Variants in ARHGAP10 observed in about 807,000 individuals in gnomAD.
The protein encoded by ARHGAP10 is rho GTPase-activating protein 10.
A neutral mutation model predicts 108.6 loss-of-function variants in ARHGAP10; 87 were observed. The observed-to-expected ratio is 0.80, with a 90% CI of 0.67 to 0.96. The LOEUF (loss-of-function observed/expected upper bound fraction) is 0.96, where lower values mean the gene tolerates loss of function less well. ARHGAP10 is among the 40% of genes least tolerant of loss of function. The pLI, the probability that ARHGAP10 is intolerant of heterozygous loss-of-function variation, is 0.00. For missense variants in ARHGAP10, 939 were observed against 954.5 expected (o/e 0.98, Z 0.21); for synonymous variants, 347 against 341.1 (o/e 1.02, Z -0.19).
chr4:147,807,004 T>C (rs1731815673), intron 1 of ARHGAP10, among the ~76,000 whole-genome samples: 3 of 152,232 alleles, frequency 2.0e-5, no homozygotes, highest in Admixed American at 6.5e-5. Context: ...CTACGCCTAA[T>C]TCATATGTCA....
rs144995912 is a variant in ARHGAP10, at chr4:147,741,148, G to A, written c.154+8693G>A. On this transcript the variant is annotated intron_variant, in intron 1 of 22. Coordinates refer to ENST00000336498, the MANE Select transcript of ARHGAP10 (RefSeq NM_024605.4). Reference sequence around the variant, plus strand: ...ACTTTGTTAATTGATGTTCTATGATGATGTACCTTCTACCTATGCATTTTT... The same window carrying A: ...ACTTTGTTAATTGATGTTCTATGATAATGTACCTTCTACCTATGCATTTTT... 1.7e-3 allele frequency among the ~76,000 whole-genome samples: 266 copies of A among 152,186 alleles called. 6 individuals carry two copies. In the East Asian group the frequency reaches 0.046, roughly 26 times the overall value.
chr4:147,891,798 G>T (rs976405302), intron 10 of ARHGAP10, among the ~76,000 whole-genome samples: 3 of 152,162 alleles, frequency 2.0e-5, no homozygotes, highest in African/African-American at 7.2e-5. Context: ...ATTGTATTTT[G>T]TATGGATGTT....
chr4:147,917,404 C>T (rs969536055), intron 13 of ARHGAP10: 1 of 152,240 alleles, frequency 6.6e-6, no homozygotes, highest in Non-Finnish European at 1.5e-5. Context: ...GTCTCCTCCA[C>T]TAGGGTCGCC....
intron 7 of ARHGAP10, among the ~76,000 whole-genome samples, chr4:147,871,160 G>A (rs868303367): frequency 7.9e-5 from 12 of 152,130 alleles, no homozygotes; most frequent in Admixed American, 3.9e-4. Flanking sequence ...GGGTTTCACC[G>A]TGTTAGCCAG....
In ARHGAP10 at chr4:147,955,381, A is replaced by C; in HGVS notation, c.1450+7A>C. 1 of 1,609,072 alleles carries C rather than the reference A, an allele frequency of 6.2e-7. No individual in the cohort carries two copies. The highest frequency in any genetic ancestry group is 8.5e-7 in the Non-Finnish European group (1 of 1,176,078). On this transcript the variant is annotated splice_region_variant and intron_variant, in intron 16 of 22. Transcript: ENST00000336498. ...GATTTCATTGTTCCAGCCAGTAAGT[A>C]TTATGTAAAGGTATATAGGAACAGT...
intron 18 of ARHGAP10, among the ~76,000 whole-genome samples, chr4:147,999,778 A>G (rs1387623305): frequency 6.6e-6 from 1 of 152,170 alleles, no homozygotes; most frequent in Non-Finnish European, 1.5e-5. Flanking sequence ...GCGGCTGGTC[A>G]CCATCTTGGG....
intron 14 of ARHGAP10, among the ~76,000 whole-genome samples, 189 bp downstream of exon 14, chr4:147,940,088 C>G (rs1738116338): frequency 6.6e-6 from 1 of 152,220 alleles, no homozygotes; most frequent in Non-Finnish European, 1.5e-5. Context: ...CATAGATTGT[C>G]TATTACCTCT....
At chr4:147,936,972 C>A (rs1224939865) in intron 13 of ARHGAP10, among the ~76,000 whole-genome samples, 3 of 152,118 alleles carry the variant, frequency 2.0e-5, no homozygotes, top group Admixed American at 2.0e-4. Context: ...GGAGTGCAAA[C>A]CCTATTGTGA....
At chr4:147,740,176 G>A (rs1560732983) in intron 1 of ARHGAP10, among the ~76,000 whole-genome samples, 1 of 151,142 alleles carries the variant, frequency 6.6e-6, no homozygotes, top group South Asian at 2.1e-4. Flanking sequence ...AGCCTCAGCT[G>A]CACACCCTGT....
At chr4:147,900,110 C>A (rs901983136) in intron 10 of ARHGAP10, among the ~76,000 whole-genome samples, 2 of 152,116 alleles carry the variant, frequency 1.3e-5, no homozygotes, top group Admixed American at 6.5e-5. Flanking sequence ...TAAAGCCTGT[C>A]TTCTACATGG....
intron 13 of ARHGAP10, among the ~76,000 whole-genome samples, chr4:147,937,383 C>CT (rs926615064): frequency 5.3e-5 from 8 of 151,398 alleles, no homozygotes; most frequent in South Asian, 4.2e-4. Context: ...AATTTAATTA[C>CT]TTTTTTTTTC....
chr4:147,903,913 T>C (rs895110083), intron 10 of ARHGAP10, among the ~76,000 whole-genome samples: 3 of 152,228 alleles, frequency 2.0e-5, no homozygotes, highest in South Asian at 2.1e-4. Flanking sequence ...AATTTGGTAG[T>C]TGTGAATAAA....
intron 19 of ARHGAP10, among the ~76,000 whole-genome samples, chr4:148,042,954 C>T (rs967089720): frequency 6.6e-6 from 1 of 152,144 alleles, no homozygotes; most frequent in African/African-American, 2.4e-5. Context: ...CATGCTGATG[C>T]TATTTCTTGT....
chr4:147,857,572 A>G lies in ARHGAP10; in HGVS notation c.404A>G (p.Asp135Gly). The G allele has an allele frequency of 6.7e-7, 1 of 1,484,540 alleles. No individual in the cohort carries two copies. The highest frequency in any genetic ancestry group is 8.9e-7 in the Non-Finnish European group (1 of 1,119,548). The allele number at this position is 1,484,540 out of a possible 1,614,324, so 92.0% of individuals were successfully genotyped here. A position where few individuals can be genotyped will look rare whatever the true frequency, so the allele number is the denominator to read the frequency against. ...GAVKEEKKKF[D>G]KETEKNYSLI... is the part of the protein sequence containing the mutation. ...TTGTAGGAAGAAAAAAAGAAGTTTG[A>G]CAAAGAGACAGAAAAGAATTATAGT... Residue 135 changes from aspartate (D) to glycine (G), a missense_variant, in exon 5 of 23, where the codon GAC becomes GGC. Asp to Gly is a moderately conservative substitution (Grantham distance 94, BLOSUM62 -1). Transcript: ENST00000336498.
At chr4:148,036,942 G>C (rs1728404076) in intron 19 of ARHGAP10, among the ~76,000 whole-genome samples, 1 of 152,116 alleles carries the variant, frequency 6.6e-6, no homozygotes, top group South Asian at 2.1e-4. Context: ...AAGAAACAAG[G>C]CTGTTCAGTT....
chr4:147,906,898 T>C (rs551810354), intron 11 of ARHGAP10, among the ~76,000 whole-genome samples, 179 bp downstream of exon 11: 2 of 152,236 alleles, frequency 1.3e-5, no homozygotes, highest in African/African-American at 4.8e-5. Flanking sequence ...GCAGTACATA[T>C]AAGACTAGTG....
intron 18 of ARHGAP10, among the ~76,000 whole-genome samples, chr4:147,999,465 C>T (rs1740607969): frequency 6.6e-6 from 1 of 152,222 alleles, no homozygotes; most frequent in Non-Finnish European, 1.5e-5. Context: ...GCCATTGCAG[C>T]CCCACCACTG....
intron 10 of ARHGAP10, among the ~76,000 whole-genome samples, chr4:147,893,134 C>T (rs910701272): frequency 3.9e-5 from 6 of 152,106 alleles, no homozygotes; most frequent in South Asian, 2.1e-4. Context: ...TCTTGGCTCA[C>T]TGCAACCTCT....
intron 1 of ARHGAP10, among the ~76,000 whole-genome samples, chr4:147,780,495 T>C (rs1730486231): frequency 6.6e-6 from 1 of 152,136 alleles, no homozygotes; most frequent in Admixed American, 6.6e-5. Flanking sequence ...TGAAATGCTG[T>C]GCTCAGCTTG....
Sources: gnomAD v4.1 joint callset for allele counts (sites outside exome capture counted in the v4.1 genomes callset) on GRCh38, gnomAD v4.1.1 for gene constraint, MANE v1.5 for transcripts, NCBI Gene and HGNC (gene_info 2026-07-23, HGNC 2026-07-21) for gene names.